The following CNTNAP2 variants were observed in gnomAD, a reference collection of about 807,000 sequenced individuals.
CNTNAP2 encodes the protein contactin-associated protein-like 2.
In CNTNAP2, 98 loss-of-function variants were observed where a neutral mutation model predicts 155.2. The ratio of observed to expected loss-of-function variants is 0.63; its 90% CI spans 0.54 to 0.75. The LOEUF (loss-of-function observed/expected upper bound fraction) is 0.75. Among genes scored for constraint, CNTNAP2 ranks in the 30% least tolerant of loss-of-function variants. The probability of loss-of-function intolerance (pLI) is 0.00; values close to 1 mark genes in which losing one functional copy is unlikely to be tolerated. For missense variants in CNTNAP2, 1,727 were observed against 1,688.1 expected, an observed-to-expected ratio of 1.02 and a Z score of -0.40; for synonymous variants, 651 against 631.2, an observed-to-expected ratio of 1.03 and a Z score of -0.47.
At chr7:147,734,694 A>G (rs540648252) in intron 13 of CNTNAP2, among the ~76,000 whole-genome samples, 4 of 152,140 alleles carry the variant, frequency 2.6e-5, no homozygotes, top group Admixed American at 6.5e-5. Flanking sequence ...CACTTTCAGA[A>G]CCTGTTATTG....
In CNTNAP2 at chr7:147,602,875, A is replaced by C. The variant is rs539063333; in HGVS notation, c.1898-36231A>C. Among the ~76,000 whole-genome samples the C allele has an allele frequency of 6.7e-3, 1,024 of 151,866 alleles. 12 individuals are homozygous for C. The highest frequency in any genetic ancestry group is 0.022 in the African/African-American group (923 of 41,456). ...TGGTGTATATGTGCCACATTTTCTTAATCCAGTCTATCATTGTTGGACATT... is the reference window on the plus strand; with the variant it reads ...TGGTGTATATGTGCCACATTTTCTTCATCCAGTCTATCATTGTTGGACATT... On this transcript the variant is annotated intron_variant, in intron 12 of 23. Transcript: ENST00000361727.
chr7:147,928,653 G>A (rs1201960235), intron 14 of CNTNAP2, among the ~76,000 whole-genome samples: 1 of 152,222 alleles, frequency 6.6e-6, no homozygotes. Context: ...CGTGTTTCCT[G>A]ATGTCAGCAA....
chr7:147,939,785 T>TTCTC (rs142659389), intron 14 of CNTNAP2, among the ~76,000 whole-genome samples: 2 of 149,858 alleles, frequency 1.3e-5, no homozygotes, highest in African/African-American at 4.9e-5. Flanking sequence ...CAATCTCTCT[T>TTCTC]TCTCTCTCTC....
At chr7:147,754,525 A>G (rs767850103) in intron 13 of CNTNAP2, among the ~76,000 whole-genome samples, 21 of 152,222 alleles carry the variant, frequency 1.4e-4, no homozygotes, top group Non-Finnish European at 2.6e-4. Flanking sequence ...GAAACAAGGG[A>G]TATGTAAAAA....
intron 1 of CNTNAP2, among the ~76,000 whole-genome samples, chr7:146,307,910 G>C (rs1800744959): frequency 6.6e-6 from 1 of 152,160 alleles, no homozygotes; most frequent in Non-Finnish European, 1.5e-5. Flanking sequence ...TCAGGCCATA[G>C]GCATGGGCAA....
Position 147,469,810 on chromosome 7 carries a change from G to T in CNTNAP2, c.1671-16125G>T, listed in dbSNP as rs1798184927. The stretch of plus-strand genomic sequence containing the variant: ...TGGGATTACAGGCGTGAGCCACTGA[G>T]CCCGGCCCAGGCTGCAATTTTAAAC... On this transcript the variant is annotated intron_variant, in intron 10 of 23. Coordinates refer to ENST00000361727, the MANE Select transcript of CNTNAP2 (RefSeq NM_014141.6). 2.0e-5 allele frequency among the ~76,000 whole-genome samples: 3 copies of T among 152,166 alleles called. No homozygotes were observed. In the South Asian group the frequency reaches 6.2e-4, roughly 32 times the overall value.
At chr7:147,601,228 CA>C (rs1800936829) in intron 12 of CNTNAP2, among the ~76,000 whole-genome samples, 1 of 152,100 alleles carries the variant, frequency 6.6e-6, no homozygotes. Flanking sequence ...AAGAGACCAC[CA>C]AACAGGCTTT....
chr7:148,353,159 T>G (rs1320923105), intron 21 of CNTNAP2, among the ~76,000 whole-genome samples: 1 of 152,216 alleles, frequency 6.6e-6, no homozygotes. Context: ...GGCAATTGTT[T>G]GGGGACCATT....
rs375248259 is a variant in CNTNAP2, at chr7:148,353,114, C to T, written c.3476-30535C>T. 7.2e-5 allele frequency among the ~76,000 whole-genome samples: 11 copies of T among 152,324 alleles called. No individual in the cohort carries two copies. The East Asian group carries it at 9.6e-4, about 13-fold the overall frequency. ...GAGACAGCCCTGGGTCCTGGAGCCC[C>T]GGCAGCCTGCTCCAAGGTCAACAGG... On this transcript the variant is annotated intron_variant, in intron 21 of 23. Coordinates refer to ENST00000361727, the MANE Select transcript of CNTNAP2 (RefSeq NM_014141.6).
chr7:146,575,561 C>T (rs1397025909), intron 1 of CNTNAP2, among the ~76,000 whole-genome samples: 1 of 152,134 alleles, frequency 6.6e-6, no homozygotes, highest in Non-Finnish European at 1.5e-5. Flanking sequence ...CCCATTTAAA[C>T]TTGTCTATTA....
intron 13 of CNTNAP2, among the ~76,000 whole-genome samples, chr7:147,850,289 A>T (rs943354652): frequency 6.6e-6 from 1 of 152,246 alleles, no homozygotes; most frequent in African/African-American, 2.4e-5. Flanking sequence ...ATGGAAGAAC[A>T]TTCCATGCTC....
chr7:146,241,937 C>T (rs1799569904), intron 1 of CNTNAP2, among the ~76,000 whole-genome samples: 1 of 152,078 alleles, frequency 6.6e-6, no homozygotes, highest in Admixed American at 6.6e-5. Context: ...GTTAAGTTTG[C>T]TCACACTGAA....
chr7:148,066,068 C>G (rs975636699), intron 15 of CNTNAP2, among the ~76,000 whole-genome samples: 1 of 152,114 alleles, frequency 6.6e-6, no homozygotes, highest in Non-Finnish European at 1.5e-5. Flanking sequence ...ATACAAAATT[C>G]TTGGCTTTTA....
rs111545503 is a variant in CNTNAP2, at chr7:146,826,514, T to A, written c.209-13197T>A. Among the ~76,000 whole-genome samples the A allele has an allele frequency of 6.6e-4, 100 of 152,222 alleles. 2 individuals are homozygous for A. The highest frequency in any genetic ancestry group is 2.2e-3 in the African/African-American group (91 of 41,550). ...GGGGAACTAAGCAAGTCCATTCTTATTCCCAGCTCATCAGAATACCCTGTC... is the reference window on the plus strand; with the variant it reads ...GGGGAACTAAGCAAGTCCATTCTTAATCCCAGCTCATCAGAATACCCTGTC... On this transcript the variant is annotated intron_variant, in intron 2 of 23. Transcript: ENST00000361727.
intron 21 of CNTNAP2, among the ~76,000 whole-genome samples, chr7:148,268,051 G>A (rs1320649249): frequency 6.6e-6 from 1 of 152,162 alleles, no homozygotes; most frequent in Non-Finnish European, 1.5e-5. Context: ...TTAGCACTGT[G>A]CAAAGCTAAA....
chr7:146,155,619 ATAAG>A (rs1248689860), intron 1 of CNTNAP2, among the ~76,000 whole-genome samples: 1 of 151,794 alleles, frequency 6.6e-6, no homozygotes, highest in Non-Finnish European at 1.5e-5. Context: ...AAGTAATTAC[ATAAG>A]TAATAATTAT....
intron 21 of CNTNAP2, among the ~76,000 whole-genome samples, chr7:148,270,675 G>C (rs1377549167): frequency 6.6e-6 from 1 of 152,240 alleles, no homozygotes; most frequent in Non-Finnish European, 1.5e-5. Context: ...CATCCTAACA[G>C]AATCAGTAAG....
chr7:146,984,611 T>A (rs1798083471), intron 3 of CNTNAP2, among the ~76,000 whole-genome samples: 1 of 152,136 alleles, frequency 6.6e-6, no homozygotes, highest in South Asian at 2.1e-4. Context: ...ATAACAGAAG[T>A]AAGAGGGGCT....
At chr7:147,341,769 TACAC>T (rs35486619) in intron 9 of CNTNAP2, among the ~76,000 whole-genome samples, 24,551 of 147,154 alleles carry the variant, frequency 0.17, 2,360 homozygotes, top group East Asian at 0.36. Context: ...CACATACACA[TACAC>T]ACACACACAC....
Sources: allele counts gnomAD v4.1 joint callset (sites outside exome capture counted in the v4.1 genomes callset), GRCh38; gene constraint gnomAD v4.1.1; transcripts MANE v1.5; gene names NCBI Gene and HGNC (gene_info 2026-07-23, HGNC 2026-07-21).